The following ZNF639 variants were observed in gnomAD, a reference collection of about 807,000 sequenced individuals.
The protein encoded by ZNF639 is zinc finger amplified in esophageal squamous cell carcinomas 1.
A neutral mutation model predicts 39.8 loss-of-function variants in ZNF639; 20 were observed. That is an observed-to-expected ratio of 0.50 (90% CI 0.35 to 0.73). The LOEUF (loss-of-function observed/expected upper bound fraction) is 0.73. Among genes scored for constraint, ZNF639 ranks in the 30% least tolerant of loss-of-function variants. The pLI, the probability that ZNF639 is intolerant of heterozygous loss-of-function variation, is 0.00. For missense variants in ZNF639, 477 were observed against 566.2 expected, an observed-to-expected ratio of 0.84 and a Z score of 1.60; for synonymous variants, 176 against 189.8, an observed-to-expected ratio of 0.93 and a Z score of 0.60.
At chr3:179,326,700 C>A (rs1576987576) in intron 1 of ZNF639, among the ~76,000 whole-genome samples, 1 of 151,728 alleles carries the variant, frequency 6.6e-6, no homozygotes, top group Non-Finnish European at 1.5e-5. Context: ...TGTCAGCTCA[C>A]TGTAGCCCTC....
Position 179,337,739 on chromosome 3 carries a change from T to C in ZNF639, c.*3317T>C, listed in dbSNP as rs569994657. On this transcript the variant is annotated 3_prime_UTR_variant, in exon 6 of 6. Coordinates refer to ENST00000496856, the MANE Select transcript of ZNF639 (RefSeq NM_001303426.2). ...TTGGCCCAGTTTTCAAATCAATGAT[T>C]GACCATAAATTGCTTGAAGTAGTTG... 1 of 152,230 alleles carries C rather than the reference T, an allele frequency of 6.6e-6. No individual in the cohort carries two copies. Among genetic ancestry groups the C allele is most frequent in the Non-Finnish European group, 1.5e-5 (1 of 68,044 alleles). The allele number at this position is 152,230 out of a possible 1,614,324, so 9.4% of individuals were successfully genotyped here.
intron 4 of ZNF639, among the ~76,000 whole-genome samples, chr3:179,332,249 A>C (rs139974456): frequency 1.3e-5 from 2 of 152,246 alleles, no homozygotes; most frequent in East Asian, 3.8e-4. Flanking sequence ...ACTGGGATAC[A>C]TGGGACCTCT....
chr3:179,329,414 G>A (rs939599474), intron 3 of ZNF639, among the ~76,000 whole-genome samples: 2 of 152,290 alleles, frequency 1.3e-5, no homozygotes, highest in African/African-American at 4.8e-5. Context: ...TTATGTTTTA[G>A]AGTATGTAAT....
rs781778492 is a variant in ZNF639 at position 179,333,834 on chromosome 3, G to T, written c.870G>T (p.Trp290Cys). 1.9e-6 allele frequency: 3 copies of T among 1,614,154 alleles called. No individual in the cohort carries two copies. Among genetic ancestry groups the T allele is most frequent in the East Asian group, 2.2e-5 (1 of 44,870 alleles). ...CCCATTTTAGTGATCACCTCTATTG[G>T]TGTGAACAGTGTGATGTACAGTTCT... ...ADTHFSDHLYWCEQCDVQFSS... is the reference protein window; with the variant it reads ...ADTHFSDHLYCCEQCDVQFSS... The change falls in exon 6 of 6, where the codon TGG (tryptophan) becomes TGT (cysteine). Residue 290 changes from tryptophan to cysteine, a missense_variant. Coordinates refer to ENST00000496856, the MANE Select transcript of ZNF639 (RefSeq NM_001303426.2).
At position 179,334,163 on chromosome 3, in the gene ZNF639, T is replaced by C; in HGVS notation, c.1199T>C (p.Ile400Thr). The C allele has an allele frequency of 6.2e-7, 1 of 1,614,098 alleles. No individual in the cohort carries two copies. The highest frequency in any genetic ancestry group is 1.3e-5 in the African/African-American group (1 of 75,054). ...CATGTTGCTATTGAACATACAAAAATTTTTCCTCATGTTTGTGATGACTGT... is the reference window on the plus strand; with the variant it reads ...CATGTTGCTATTGAACATACAAAAACTTTTCCTCATGTTTGTGATGACTGT... ...NRHVAIEHTK[I>T]FPHVCDDCGK... Residue 400 changes from isoleucine (I) to threonine (T), a missense_variant, in exon 6 of 6, where the codon ATT becomes ACT. Coordinates refer to ENST00000496856, the MANE Select transcript of ZNF639 (RefSeq NM_001303426.2).
chr3:179,332,021 T>A (rs753404922), intron 4 of ZNF639, among the ~76,000 whole-genome samples: 1 of 152,188 alleles, frequency 6.6e-6, no homozygotes, highest in Non-Finnish European at 1.5e-5. Flanking sequence ...AATACCTGAT[T>A]AGTACTCCTC....
In ZNF639 at chr3:179,335,472, A is replaced by C. The variant is rs1262197569; in HGVS notation, c.*1050A>C. On this transcript the variant is annotated 3_prime_UTR_variant, in exon 6 of 6. Coordinates refer to ENST00000496856, the MANE Select transcript of ZNF639 (RefSeq NM_001303426.2). ...TTAAAGTTAGGAAGATCTGGGAGAT[A>C]GGGGTTGCTGGCATGAAAATGTATA... 9 of 152,248 alleles carry C rather than the reference A, an allele frequency of 5.9e-5. No homozygotes were observed. The highest frequency in any genetic ancestry group is 5.9e-4 in the Admixed American group (9 of 15,278). 9.4% of individuals were successfully genotyped at this position (152,248 alleles called of 1,614,324 possible).
intron 3 of ZNF639, among the ~76,000 whole-genome samples, chr3:179,329,086 C>G (rs1352017688): frequency 6.6e-6 from 1 of 152,172 alleles, no homozygotes; most frequent in East Asian, 1.9e-4. Context: ...CTCTAATACA[C>G]CTCGCATACA....
At chr3:179,328,254 A>G (rs754497932) in intron 2 of ZNF639, 29 bp from the exon 3 acceptor site, 22 of 1,272,466 alleles carry the variant, frequency 1.7e-5, no homozygotes, top group Non-Finnish European at 2.4e-5. Flanking sequence ...TATTTGTGAC[A>G]TATTTGTTAA....
In ZNF639 at chr3:179,334,475, T is replaced by C; in HGVS notation, c.*53T>C. The stretch of plus-strand genomic sequence containing the variant: ...GTTTAAAATAATAAATTCATCCTTT[T>C]TTTGGAGATGATTAAATGGATGATT... On this transcript the variant is annotated 3_prime_UTR_variant, in exon 6 of 6. Transcript: ENST00000496856. 7.3e-7 allele frequency: 1 copy of C among 1,369,070 alleles called. No individual in the cohort carries two copies. Among genetic ancestry groups the C allele is most frequent in the Non-Finnish European group, 9.7e-7 (1 of 1,030,262 alleles). 84.8% of individuals were successfully genotyped at this position (1,369,070 alleles called of 1,614,324 possible). A position where few individuals can be genotyped will look rare whatever the true frequency, so the allele number is the denominator to read the frequency against.
upstream of ZNF639, chr3:179,322,889 C>T: frequency 1.0e-6 from 1 of 985,242 alleles, no homozygotes; most frequent in Non-Finnish European, 1.2e-6. Context: ...GCAAGGCCTC[C>T]GGCAGGGGGC....
chr3:179,328,790 T>TG (rs1217936334), intron 3 of ZNF639, among the ~76,000 whole-genome samples: 1 of 151,688 alleles, frequency 6.6e-6, no homozygotes, highest in East Asian at 1.9e-4. Flanking sequence ...TTTTTTTTTT[T>TG]TTTGAGACAG....
intron 1 of ZNF639, among the ~76,000 whole-genome samples, chr3:179,324,062 A>G (rs1399082571): frequency 6.6e-6 from 1 of 151,252 alleles, no homozygotes; most frequent in East Asian, 1.9e-4. Flanking sequence ...CTCCTGCAAC[A>G]TGTTTTTGTT....
chr3:179,324,290 T>C (rs191062392), intron 1 of ZNF639, among the ~76,000 whole-genome samples: 178 of 152,332 alleles, frequency 1.2e-3, no homozygotes, highest in African/African-American at 4.1e-3. Flanking sequence ...GCATAGACTT[T>C]CTTGTTGGTT....
Position 179,328,371 on chromosome 3 carries a change from A to G in ZNF639, c.58+20A>G. On this transcript the variant is annotated intron_variant, in intron 3 of 5. Transcript: ENST00000496856. ...ATTCAGGTCAGTGTATAATTATTTTAAAGTTGGGTATGGATTAATTCCCAC... is the reference window on the plus strand; with the variant it reads ...ATTCAGGTCAGTGTATAATTATTTTGAAGTTGGGTATGGATTAATTCCCAC... 6.5e-7 allele frequency: 1 copy of G among 1,534,722 alleles called. No individual in the cohort carries two copies. Among genetic ancestry groups the G allele is most frequent in the Non-Finnish European group, 8.8e-7 (1 of 1,131,934 alleles).
In ZNF639 at chr3:179,323,179, G is replaced by A. The variant is rs933307922; in HGVS notation, c.-195G>A. The A allele has an allele frequency of 8.1e-6, 8 of 984,572 alleles. No homozygotes were observed. In the African/African-American group the frequency reaches 1.4e-4, roughly 17 times the overall value. The allele number at this position is 984,572 out of a possible 1,614,324, so 61.0% of individuals were successfully genotyped here. On this transcript the variant is annotated 5_prime_UTR_variant, in exon 1 of 6. Transcript: ENST00000496856. Reference sequence around the variant, plus strand: ...GTCCGGGAGCGCTAGGGCCGGAGCAGCGCTGCCCGCCGCCGTGCGTCCGCG... The same window carrying A: ...GTCCGGGAGCGCTAGGGCCGGAGCAACGCTGCCCGCCGCCGTGCGTCCGCG...
chr3:179,334,183 G>A lies in ZNF639; in HGVS notation c.1219G>A (p.Asp407Asn). The change falls in exon 6 of 6, where the codon GAC becomes AAC. Residue 407 changes from aspartate to asparagine, a missense_variant. Asp to Asn is a conservative substitution (Grantham distance 23). Coordinates refer to ENST00000496856, the MANE Select transcript of ZNF639 (RefSeq NM_001303426.2). ...HTKIFPHVCDDCGKGFSSMLE... is the reference protein window; with the variant it reads ...HTKIFPHVCDNCGKGFSSMLE... Reference sequence around the variant, plus strand: ...AAAAATTTTTCCTCATGTTTGTGATGACTGTGGGAAAGGCTTTTCAAGTAT... The same window carrying A: ...AAAAATTTTTCCTCATGTTTGTGATAACTGTGGGAAAGGCTTTTCAAGTAT... The A allele has an allele frequency of 6.2e-7, 1 of 1,614,070 alleles. No individual in the cohort carries two copies. The highest frequency in any genetic ancestry group is 8.5e-7 in the Non-Finnish European group (1 of 1,179,986).
Position 179,338,140 on chromosome 3 carries a change from G to GT in ZNF639, c.*3724dup, listed in dbSNP as rs1306794626. ...AAATTAACACTCCTGGTTTTGTTTT[G>GT]TTTTTTGTTTTGTTTTACTTCAGAG... On this transcript the variant is annotated 3_prime_UTR_variant, in exon 6 of 6. Transcript: ENST00000496856. The GT allele has an allele frequency of 5.9e-5, 9 of 151,412 alleles. No individual in the cohort carries two copies. The highest frequency in any genetic ancestry group is 3.9e-4 in the East Asian group (2 of 5,148). The allele number at this position is 151,412 out of a possible 1,614,324, so 9.4% of individuals were successfully genotyped here. A position where few individuals can be genotyped will look rare whatever the true frequency, so the allele number is the denominator to read the frequency against.
Position 179,336,163 on chromosome 3 carries a change from C to T in ZNF639, c.*1741C>T, listed in dbSNP as rs1671578297. On this transcript the variant is annotated 3_prime_UTR_variant, in exon 6 of 6. Coordinates refer to ENST00000496856, the MANE Select transcript of ZNF639 (RefSeq NM_001303426.2). ...GCCCCTCCCAATGTCCTCCTTTTAA[C>T]TTAAAGACCTGATCTCCAAATAAGG... 6.6e-6 allele frequency: 1 copy of T among 152,104 alleles called. No individual in the cohort carries two copies. The highest frequency in any genetic ancestry group is 1.5e-5 in the Non-Finnish European group (1 of 68,036). 9.4% of individuals were successfully genotyped at this position (152,104 alleles called of 1,614,324 possible).
Sources: gnomAD v4.1 joint callset for allele counts (sites outside exome capture counted in the v4.1 genomes callset) on GRCh38, gnomAD v4.1.1 for gene constraint, MANE v1.5 for transcripts, NCBI Gene and HGNC (gene_info 2026-07-23, HGNC 2026-07-21) for gene names.